Variants in PCDH19 observed in about 807,000 individuals in gnomAD.
PCDH19 encodes protocadherin 19.
A neutral mutation model predicts 46.2 loss-of-function variants in PCDH19; 6 were observed. That is an observed-to-expected ratio of 0.13 (90% CI 0.07 to 0.26). The LOEUF (loss-of-function observed/expected upper bound fraction) is 0.26, where lower values mean the gene tolerates loss of function less well. Among genes scored for constraint, PCDH19 ranks in the 10% least tolerant of loss-of-function variants. PCDH19 has a pLI of 1.00. For missense variants in PCDH19, 740 were observed against 972.3 expected (o/e 0.76, Z 3.18); for synonymous variants, 481 against 415.7 (o/e 1.16, Z -1.91).
intron 4 of PCDH19, among the ~76,000 whole-genome samples, chrX:100,348,335 T>G (rs1402561756): frequency 9.0e-6 from 1 of 111,454 alleles, no homozygotes. Flanking sequence ...TAGCCACCAC[T>G]CTCAACATTT....
At chrX:100,305,638 G>T in intron 5 of PCDH19, among the ~76,000 whole-genome samples, 1 of 111,811 alleles carries the variant, frequency 8.9e-6, no homozygotes, top group East Asian at 2.8e-4. Context: ...GAATGAATAA[G>T]AGTTCACCAA....
At chrX:100,388,352 GTTA>G (rs1474597283) in intron 3 of PCDH19, among the ~76,000 whole-genome samples, 1 of 109,932 alleles carries the variant, frequency 9.1e-6, no homozygotes, top group Non-Finnish European at 1.9e-5. Flanking sequence ...ATCTATGTGT[GTTA>G]TTTTCTGATT....
chrX:100,308,206 G>A (rs185536036), intron 5 of PCDH19, among the ~76,000 whole-genome samples: 1 of 111,332 alleles, frequency 9.0e-6, no homozygotes, highest in East Asian at 2.8e-4. Context: ...GTAGGCCAAT[G>A]GAACAGAATA....
At chrX:100,375,829 T>C (rs373873787) in intron 3 of PCDH19, among the ~76,000 whole-genome samples, 2 of 112,417 alleles carry the variant, frequency 1.8e-5, no homozygotes, top group East Asian at 5.6e-4. Context: ...AATGAAATGG[T>C]GCTATGGTCC....
intron 4 of PCDH19, among the ~76,000 whole-genome samples, chrX:100,347,347 A>G (rs1926435708): frequency 1.8e-5 from 2 of 110,945 alleles, no homozygotes; most frequent in African/African-American, 6.6e-5. Context: ...CCCTTGGCCA[A>G]CCAGAAGTCA....
In PCDH19 at chrX:100,406,541, C is replaced by A; in HGVS notation, c.2057G>T (p.Gly686Val). The part of the protein sequence containing the change: ...NLSLIFIIAL[G>V]SIAGILFVTM... ...TACAAAGAGGATGCCCGCAATGGAG[C>A]CCAGGGCAATAATGAAAATCAAGGA... The change falls in exon 1 of 6, where the codon GGC becomes GTC. Residue 686 changes from glycine to valine, a missense_variant. Coordinates refer to ENST00000373034, the MANE Select transcript of PCDH19 (RefSeq NM_001184880.2). 2 of 1,208,636 alleles carry A rather than the reference C, an allele frequency of 1.7e-6. No individual in the cohort carries two copies. The highest frequency in any genetic ancestry group is 2.2e-6 in the Non-Finnish European group (2 of 893,549).
intron 3 of PCDH19, among the ~76,000 whole-genome samples, chrX:100,366,018 A>G (rs1927063325): frequency 8.9e-6 from 1 of 112,181 alleles, no homozygotes; most frequent in Admixed American, 9.5e-5. Context: ...CATTAAGAAA[A>G]GTAATTGTTC....
At chrX:100,344,831 C>A (rs747697013) in intron 4 of PCDH19, among the ~76,000 whole-genome samples, 1 of 104,466 alleles carries the variant, frequency 9.6e-6, no homozygotes, top group South Asian at 4.7e-4. Flanking sequence ...TAGCAACATC[C>A]CTGCCCTTTA....
chrX:100,369,943 C>T (rs377403162), intron 3 of PCDH19, among the ~76,000 whole-genome samples: 1 of 111,610 alleles, frequency 9.0e-6, no homozygotes. Context: ...TTAACTTCAA[C>T]GTGATTCCCT....
At chrX:100,381,758 C>G (rs1927559447) in intron 3 of PCDH19, among the ~76,000 whole-genome samples, 1 of 111,742 alleles carries the variant, frequency 8.9e-6, no homozygotes, top group East Asian at 2.8e-4. Context: ...TTAGATAAGC[C>G]TTGTATTTTG....
chrX:100,327,044 G>A (rs1925716291), intron 5 of PCDH19, among the ~76,000 whole-genome samples: 1 of 111,695 alleles, frequency 9.0e-6, no homozygotes, highest in Non-Finnish European at 1.9e-5. Flanking sequence ...CTCTCCCCAT[G>A]GACTGCTTAA....
intron 5 of PCDH19, among the ~76,000 whole-genome samples, 195 bp downstream of exon 5, chrX:100,341,708 G>A (rs1202759259): frequency 8.9e-6 from 1 of 111,832 alleles, no homozygotes; most frequent in Non-Finnish European, 1.9e-5. Context: ...ACAGACCTAG[G>A]GGATCCACTT....
intron 3 of PCDH19, among the ~76,000 whole-genome samples, chrX:100,363,286 A>G (rs1926951135): frequency 9.4e-6 from 1 of 106,826 alleles, no homozygotes; most frequent in Non-Finnish European, 1.9e-5. Context: ...CCTGGACAAC[A>G]AGAGCGAAAC....
intron 3 of PCDH19, among the ~76,000 whole-genome samples, chrX:100,351,490 G>A (rs1458689173): frequency 1.8e-5 from 2 of 112,446 alleles, no homozygotes; most frequent in Non-Finnish European, 3.8e-5. Flanking sequence ...AGAACTAGAG[G>A]GGAAAAGCCT....
intron 5 of PCDH19, among the ~76,000 whole-genome samples, chrX:100,322,833 G>GTATATATATATATATATA (rs60720039): frequency 6.2e-4 from 30 of 48,767 alleles, no homozygotes; most frequent in South Asian, 4.8e-3. Context: ...ATATTCCTAA[G>GTATATATATATATATATA]TATATATATA....
chrX:100,360,497 T>TCTCAA (rs1275334421), intron 3 of PCDH19, among the ~76,000 whole-genome samples: 1 of 112,458 alleles, frequency 8.9e-6, no homozygotes, highest in East Asian at 2.8e-4. Flanking sequence ...CAGAGGGGTG[T>TCTCAA]CTCAGTACAC....
At chrX:100,326,499 C>T (rs768318784) in intron 5 of PCDH19, among the ~76,000 whole-genome samples, 8 of 111,455 alleles carry the variant, frequency 7.2e-5, no homozygotes, top group Non-Finnish European at 5.6e-5. Context: ...ACGTCTACCA[C>T]CCATTAGCCA....
At chrX:100,387,665 A>C (rs1374517244) in intron 3 of PCDH19, among the ~76,000 whole-genome samples, 1 of 112,124 alleles carries the variant, frequency 8.9e-6, no homozygotes, top group Non-Finnish European at 1.9e-5. Context: ...AAAATAAAGT[A>C]TGTGAACTAG....
intron 3 of PCDH19, among the ~76,000 whole-genome samples, chrX:100,401,711 GCTCA>G (rs1475435419): frequency 9.5e-6 from 1 of 105,305 alleles, no homozygotes; most frequent in East Asian, 3.2e-4. Flanking sequence ...AAGAAACAGA[GCTCA>G]CTCAAATGCA....
Sources: gnomAD v4.1 joint callset for allele counts (sites outside exome capture counted in the v4.1 genomes callset) on GRCh38, gnomAD v4.1.1 for gene constraint, MANE v1.5 for transcripts, NCBI Gene and HGNC (gene_info 2026-07-23, HGNC 2026-07-21) for gene names.